Variants in GALNT13 observed in about 807,000 individuals in gnomAD.
GALNT13 encodes UDP-GalNAc:polypeptide N-acetylgalactosaminyltransferase 13.
GALNT13 carries 28 observed loss-of-function variants against 64.2 expected under a neutral mutation model. The ratio of observed to expected loss-of-function variants is 0.44; its 90% CI spans 0.32 to 0.60. The LOEUF is 0.60. Among genes scored for constraint, GALNT13 ranks in the 20% least tolerant of loss-of-function variants. The pLI, the probability that GALNT13 is intolerant of heterozygous loss-of-function variation, is 0.05. For synonymous variants in GALNT13, 214 were observed against 224.6 expected (o/e 0.95, Z 0.42); for missense variants, 577 against 669.8 (o/e 0.86, Z 1.53).
At chr2:154,150,266 C>T (rs909830279) in intron 4 of GALNT13, among the ~76,000 whole-genome samples, 1 of 152,246 alleles carries the variant, frequency 6.6e-6, no homozygotes, top group East Asian at 1.9e-4. Flanking sequence ...CCTTGCATCC[C>T]AGGGATGAAG....
At chr2:153,168,771 T>C in the GALNT13 span, among the ~76,000 whole-genome samples, 3 of 152,262 alleles carry the variant, frequency 2.0e-5, no homozygotes, top group African/African-American at 7.2e-5. Context: ...AACGTACTCT[T>C]ATTAATTGCC....
chr2:154,353,141 TCA>T (rs1696506313), intron 9 of GALNT13, among the ~76,000 whole-genome samples: 1 of 152,216 alleles, frequency 6.6e-6, no homozygotes, highest in Non-Finnish European at 1.5e-5. Context: ...TCTTTGAGCC[TCA>T]GTTTATCATC....
chr2:153,187,955 A>G, the GALNT13 span, among the ~76,000 whole-genome samples: 1 of 152,158 alleles, frequency 6.6e-6, no homozygotes, highest in African/African-American at 2.4e-5. Context: ...GTAATTTACC[A>G]CATTAATACT....
the GALNT13 span, among the ~76,000 whole-genome samples, chr2:153,127,493 T>G: frequency 6.6e-6 from 1 of 152,174 alleles, no homozygotes; most frequent in Non-Finnish European, 1.5e-5. Context: ...TCCCACCACA[T>G]GCAAACATTC....
intron 2 of GALNT13, among the ~76,000 whole-genome samples, chr2:153,918,957 A>G (rs1689575225): frequency 6.6e-6 from 1 of 152,078 alleles, no homozygotes; most frequent in South Asian, 2.1e-4. Context: ...TGGTTGTCTG[A>G]AGCTGCTTCA....
At chr2:153,738,238 T>C in the GALNT13 span, among the ~76,000 whole-genome samples, 1 of 152,050 alleles carries the variant, frequency 6.6e-6, no homozygotes. Context: ...ATTTACAGTT[T>C]CTGTTTTTAT....
At chr2:154,289,160 G>T (rs1692456134) in intron 8 of GALNT13, among the ~76,000 whole-genome samples, 1 of 152,176 alleles carries the variant, frequency 6.6e-6, no homozygotes, top group Non-Finnish European at 1.5e-5. Context: ...CAAAGTTTGG[G>T]GCTTGCACCC....
intron 3 of GALNT13, among the ~76,000 whole-genome samples, chr2:154,051,891 A>C (rs1471966771): frequency 1.3e-5 from 2 of 152,188 alleles, no homozygotes; most frequent in Non-Finnish European, 2.9e-5. Flanking sequence ...TGAGCTTTCC[A>C]ATGTATATTT....
At chr2:154,051,051 A>G (rs1699577226) in intron 3 of GALNT13, among the ~76,000 whole-genome samples, 1 of 152,008 alleles carries the variant, frequency 6.6e-6, no homozygotes, top group Non-Finnish European at 1.5e-5. Context: ...TGTCAGACGG[A>G]GAGATAGTGC....
chr2:154,191,637 C>A (rs764337755), intron 4 of GALNT13, among the ~76,000 whole-genome samples: 7 of 152,086 alleles, frequency 4.6e-5, no homozygotes, highest in Non-Finnish European at 1.0e-4. Flanking sequence ...TAACGTGATA[C>A]CTATGAAACG....
chr2:153,359,959 A>G, the GALNT13 span, among the ~76,000 whole-genome samples: 668 of 152,328 alleles, frequency 4.4e-3, 2 homozygotes, highest in African/African-American at 0.015. Flanking sequence ...CCTGGAGGAA[A>G]GAAGCATCAG....
intron 3 of GALNT13, among the ~76,000 whole-genome samples, chr2:153,989,906 T>C (rs1025205349): frequency 1.3e-5 from 2 of 151,930 alleles, no homozygotes; most frequent in African/African-American, 4.8e-5. Context: ...TAGAATTAAC[T>C]CCAGTATGAA....
At chr2:154,402,216 G>A (rs1317591442) in intron 10 of GALNT13, among the ~76,000 whole-genome samples, 1 of 152,132 alleles carries the variant, frequency 6.6e-6, no homozygotes, top group Non-Finnish European at 1.5e-5. Context: ...TTTTCTATGA[G>A]TTTTTAAAAC....
At chr2:153,704,332 G>A in the GALNT13 span, among the ~76,000 whole-genome samples, 3 of 152,062 alleles carry the variant, frequency 2.0e-5, no homozygotes, top group African/African-American at 7.2e-5. Context: ...TATAATTAAG[G>A]AAAATAAGCT....
At chr2:153,534,545 G>A in the GALNT13 span, among the ~76,000 whole-genome samples, 3 of 124,802 alleles carry the variant, frequency 2.4e-5, no homozygotes, top group African/African-American at 9.9e-5. Context: ...TTTTTTGTGA[G>A]CAACATGGCT....
At chr2:153,566,633 C>T in the GALNT13 span, among the ~76,000 whole-genome samples, 5 of 152,120 alleles carry the variant, frequency 3.3e-5, no homozygotes, top group East Asian at 1.9e-4. Context: ...GGATTACAGG[C>T]GTGAGCCACT....
At chr2:153,086,693 T>G in the GALNT13 span, among the ~76,000 whole-genome samples, 1 of 151,648 alleles carries the variant, frequency 6.6e-6, no homozygotes. Context: ...ATACTATTCC[T>G]AAGTATTTTA....
chr2:153,433,267 T>A, the GALNT13 span, among the ~76,000 whole-genome samples: 1 of 152,340 alleles, frequency 6.6e-6, no homozygotes, highest in Admixed American at 6.5e-5. Flanking sequence ...ATTGTGGTCT[T>A]AGAAGGTTCT....
At chr2:153,288,187 G>C in the GALNT13 span, among the ~76,000 whole-genome samples, 1 of 152,140 alleles carries the variant, frequency 6.6e-6, no homozygotes, top group Non-Finnish European at 1.5e-5. Context: ...AGTAATGTTT[G>C]TAATAAGTCA....
Sources: allele counts gnomAD v4.1 joint callset (sites outside exome capture counted in the v4.1 genomes callset), GRCh38; gene constraint gnomAD v4.1.1; transcripts MANE v1.5; gene names NCBI Gene and HGNC (gene_info 2026-07-23, HGNC 2026-07-21).